The following TPM1 variants were observed in gnomAD, a reference collection of about 807,000 sequenced individuals.
The protein encoded by TPM1 is tropomyosin 1.
A neutral mutation model predicts 42.9 loss-of-function variants in TPM1; 24 were observed. That is an observed-to-expected ratio of 0.56 (90% CI 0.41 to 0.79). The LOEUF is 0.79. Among genes scored for constraint, TPM1 ranks in the 30% least tolerant of loss-of-function variants. The pLI is 0.00. For missense variants in TPM1, 158 were observed against 351.8 expected (o/e 0.45, Z 4.41); for synonymous variants, 136 against 130.1 (o/e 1.05, Z -0.31).
At chr15:63,055,262 C>T (rs1489411986) in intron 2 of TPM1, among the ~76,000 whole-genome samples, 5 of 152,208 alleles carry the variant, frequency 3.3e-5, no homozygotes, top group African/African-American at 4.8e-5. Flanking sequence ...TCCCTGCCTC[C>T]ATCAACCAAT....
intron 5 of TPM1, 90 bp downstream of exon 5, chr15:63,061,029 G>A (rs2035547162): frequency 1.9e-6 from 3 of 1,540,976 alleles, no homozygotes; most frequent in East Asian, 2.3e-5. Context: ...CACATTACCT[G>A]TTTCAGCTCC....
At chr15:63,044,580 C>G in intron 2 of TPM1, 1 of 380,914 alleles carries the variant, frequency 2.6e-6, no homozygotes. Flanking sequence ...TGGGTCTAGT[C>G]AGGGTTCAGA....
intron 2 of TPM1, among the ~76,000 whole-genome samples, chr15:63,052,174 A>T (rs1323713369): frequency 1.3e-5 from 2 of 152,238 alleles, no homozygotes; most frequent in Non-Finnish European, 2.9e-5. Flanking sequence ...AAAAGAAACT[A>T]GCATCCCAGA....
At chr15:63,049,815 C>T (rs972094134) in intron 2 of TPM1, among the ~76,000 whole-genome samples, 2 of 152,174 alleles carry the variant, frequency 1.3e-5, no homozygotes, top group Non-Finnish European at 2.9e-5. Context: ...AGATAATTCT[C>T]AGTATTTGCT....
chr15:63,064,465 G>A, intron 9 of TPM1: 1 of 1,149,438 alleles, frequency 8.7e-7, no homozygotes, highest in South Asian at 2.5e-5. Flanking sequence ...AGAAGGCCAT[G>A]CCGTTTGTTG....
intron 3 of TPM1, 114 bp from the exon 4 acceptor site, chr15:63,059,449 G>C (rs530824213): frequency 1.3e-6 from 1 of 749,242 alleles, no homozygotes; most frequent in Non-Finnish European, 2.4e-6. Flanking sequence ...AAGTAGCTCT[G>C]TGCTCTATTT....
At chr15:63,068,374 G>C (rs2036402599), downstream of TPM1, among the ~76,000 whole-genome samples, 1 of 152,126 alleles carries the variant, frequency 6.6e-6, no homozygotes, top group Non-Finnish European at 1.5e-5. Flanking sequence ...CGTTTGACTG[G>C]GGTTTGGCAT....
At chr15:63,053,369 C>G (rs765469423) in intron 2 of TPM1, among the ~76,000 whole-genome samples, 12 of 152,036 alleles carry the variant, frequency 7.9e-5, no homozygotes, top group Non-Finnish European at 1.5e-4. Flanking sequence ...TGAGAACTGC[C>G]AGTTCCAAGG....
intron 8 of TPM1, 46 bp from the exon 9 acceptor site, chr15:63,064,018 C>T (rs1456197211): frequency 1.2e-6 from 2 of 1,610,008 alleles, no homozygotes; most frequent in Non-Finnish European, 1.7e-6. Context: ...ATTTCTTGAT[C>T]ACTCTCCATG....
At chr15:63,070,431 A>G (rs1032271860), downstream of TPM1, 66 of 995,114 alleles carry the variant, frequency 6.6e-5, no homozygotes, top group African/African-American at 1.1e-3. Context: ...GCTTTTGAAA[A>G]CAGGAACTCA....
chr15:63,061,877 T>G, intron 6 of TPM1, 89 bp downstream of exon 6: 1 of 1,198,734 alleles, frequency 8.3e-7, no homozygotes, highest in South Asian at 1.3e-5. Flanking sequence ...ACAGTAGACA[T>G]TTTAGTAAAA....
At chr15:63,062,451 C>T in intron 7 of TPM1, 125 bp from the exon 8 acceptor site, 1 of 1,322,676 alleles carries the variant, frequency 7.6e-7, no homozygotes, top group Non-Finnish European at 1.1e-6. Context: ...GTGACTGAAA[C>T]TGACAAGTAG....
In TPM1 at chr15:63,066,157, C is replaced by A; in HGVS notation, c.*258C>A. ...ATTTTAGTTTCAACATTGAATAAAA[C>A]TACAAAGCTGCTTCACACATATGAG... On this transcript the variant is annotated 3_prime_UTR_variant, in exon 10 of 10. Transcript: ENST00000403994. The A allele has an allele frequency of 6.9e-7, 1 of 1,455,068 alleles. No homozygotes were observed. Among genetic ancestry groups the A allele is most frequent in the South Asian group, 1.5e-5 (1 of 68,364 alleles). The allele number at this position is 1,455,068 out of a possible 1,614,324, so 90.1% of individuals were successfully genotyped here.
downstream of TPM1, chr15:63,066,244 G>A: frequency 8.5e-7 from 1 of 1,182,908 alleles, no homozygotes; most frequent in Non-Finnish European, 1.1e-6. Flanking sequence ...AATTATATCA[G>A]GAGTTTCTAA....
At chr15:63,056,867 G>A (rs1596359841) in intron 2 of TPM1, 118 bp from the exon 3 acceptor site, 4 of 1,381,530 alleles carry the variant, frequency 2.9e-6, no homozygotes, top group Non-Finnish European at 3.1e-6. Context: ...GCACTTAAAG[G>A]TAGCTCACCA....
Position 63,066,062 on chromosome 15 carries a change from G to T in TPM1, c.*163G>T. The T allele has an allele frequency of 1.3e-6, 2 of 1,536,652 alleles. No homozygotes were observed. Among genetic ancestry groups the T allele is most frequent in the South Asian group, 1.2e-5 (1 of 82,010 alleles). On this transcript the variant is annotated 3_prime_UTR_variant, in exon 10 of 10. Coordinates refer to ENST00000403994, the MANE Select transcript of TPM1 (RefSeq NM_001018005.2). ...GCTTTCTATTGTACAGAAGCTCTTC[G>T]TTTCAGTGTCAAATAAACACTGTGT...
At chr15:63,063,962 T>TG (rs1342494436) in intron 8 of TPM1, 102 bp from the exon 9 acceptor site, 2 of 1,518,558 alleles carry the variant, frequency 1.3e-6, no homozygotes, top group African/African-American at 2.7e-5. Context: ...GCCCTTTTCT[T>TG]GCTGCTGTGT....
Position 63,061,780 on chromosome 15 carries a change from G to A in TPM1, c.631G>A (p.Ala211Thr). 1.2e-6 allele frequency: 2 copies of A among 1,614,134 alleles called. No homozygotes were observed. Among genetic ancestry groups the A allele is most frequent in the Non-Finnish European group, 1.7e-6 (2 of 1,180,008 alleles). Reference sequence around the variant, plus strand: ...CAACTTGAAGTCACTGGAGGCTCAGGCTGAGAAGGTAGGCCAGGAGGATGG... The same window carrying A: ...CAACTTGAAGTCACTGGAGGCTCAGACTGAGAAGGTAGGCCAGGAGGATGG... ...TNNLKSLEAQ[A>T]EKYSQKEDRY... The change falls in exon 6 of 10, where the codon GCT (alanine) becomes ACT (threonine). Residue 211 changes from alanine to threonine, a missense_variant. This residue lies in a region of TPM1 where 64 missense variants were observed against 95.8 expected (regional missense o/e 0.67). Transcript: ENST00000403994.
chr15:63,052,657 G>C (rs191426391), intron 2 of TPM1, among the ~76,000 whole-genome samples: 148 of 152,222 alleles, frequency 9.7e-4, no homozygotes, highest in African/African-American at 3.4e-3. Flanking sequence ...TTAGATAACA[G>C]ATGGTCATGT....
Sources: gnomAD v4.1 joint callset for allele counts (sites outside exome capture counted in the v4.1 genomes callset) on GRCh38, gnomAD v4.1.1 for gene constraint, gnomAD v4.1.1 regional missense constraint, MANE v1.5 for transcripts, NCBI Gene and HGNC (gene_info 2026-07-23, HGNC 2026-07-21) for gene names.